The following MCC variants were observed in gnomAD, a reference collection of about 807,000 sequenced individuals.
MCC encodes the protein MCC regulator of Wnt signaling pathway, also known as colorectal mutant cancer protein.
Under a neutral mutation model 116.2 loss-of-function variants are expected in MCC, and 90 were observed. The observed-to-expected ratio is 0.77, with a 90% CI of 0.65 to 0.92. MCC has a LOEUF of 0.92. Among genes scored for constraint, MCC ranks in the 40% least tolerant of loss-of-function variants. MCC has a pLI of 0.00. For missense variants in MCC, 1,516 were observed against 1,312.2 expected (o/e 1.16, Z -2.40); for synonymous variants, 578 against 510.5 (o/e 1.13, Z -1.78).
intron 8 of MCC, among the ~76,000 whole-genome samples, chr5:113,088,994 T>G (rs1755405352): frequency 6.6e-6 from 1 of 152,134 alleles, no homozygotes; most frequent in South Asian, 2.1e-4. Flanking sequence ...ATATATATTT[T>G]GGAGTCAAGA....
intron 15 of MCC, 53 bp from the exon 16 acceptor site, chr5:113,049,352 C>A: frequency 6.9e-7 from 1 of 1,454,060 alleles, no homozygotes; most frequent in Admixed American, 2.3e-5. Context: ...TGAGAGCAGG[C>A]CTGGCTGCTG....
At chr5:113,342,079 G>A (rs1051164542) in intron 2 of MCC, among the ~76,000 whole-genome samples, 6 of 151,512 alleles carry the variant, frequency 4.0e-5, no homozygotes, top group African/African-American at 1.5e-4. Flanking sequence ...TTATGAGTGA[G>A]AACATATGAT....
At chr5:113,294,219 G>T in intron 3 of MCC, 1 of 1,350,036 alleles carries the variant, frequency 7.4e-7, no homozygotes, top group Non-Finnish European at 1.0e-6. Flanking sequence ...CCTCCAGACT[G>T]GGAGCACAGG....
At position 113,083,017 on chromosome 5, in the gene MCC, A is replaced by G; in HGVS notation, c.1636-9T>C. On this transcript the variant is annotated splice_polypyrimidine_tract_variant and intron_variant, in intron 10 of 18. Transcript: ENST00000408903. ...GCCACACTGCTGGATACCTGCAAAA[A>G]GAAGCATTAATTCCCCTTTGGAACA... The G allele has an allele frequency of 6.2e-7, 1 of 1,608,774 alleles. No homozygotes were observed. Among genetic ancestry groups the G allele is most frequent in the Non-Finnish European group, 8.5e-7 (1 of 1,178,258 alleles).
intron 6 of MCC, among the ~76,000 whole-genome samples, chr5:113,121,075 C>T (rs1480901302): frequency 1.3e-5 from 2 of 152,220 alleles, no homozygotes; most frequent in East Asian, 1.9e-4. Flanking sequence ...ACACACCCCC[C>T]ACCTTCAATC....
At chr5:113,057,999 C>A (rs781460461) in intron 14 of MCC, among the ~76,000 whole-genome samples, 26 of 152,148 alleles carry the variant, frequency 1.7e-4, no homozygotes, top group Non-Finnish European at 3.2e-4. Context: ...CCTTGTAAAC[C>A]TGGGACACAG....
chr5:113,095,677 C>T (rs1374097656), intron 8 of MCC, among the ~76,000 whole-genome samples: 1 of 151,388 alleles, frequency 6.6e-6, no homozygotes, highest in East Asian at 1.9e-4. Context: ...CACCATCACA[C>T]TTGGCTAATT....
intron 8 of MCC, among the ~76,000 whole-genome samples, chr5:113,094,033 T>C (rs1755839580): frequency 6.6e-6 from 1 of 152,236 alleles, no homozygotes; most frequent in South Asian, 2.1e-4. Context: ...AGTTAGTCCC[T>C]GTGTAGTTTT....
At chr5:113,178,854 A>T (rs113599068) in intron 3 of MCC, among the ~76,000 whole-genome samples, 101 of 152,264 alleles carry the variant, frequency 6.6e-4, no homozygotes, top group African/African-American at 2.2e-3. Flanking sequence ...TCCTGCAAAC[A>T]CAGAGCTGTG....
chr5:113,237,513 G>C (rs955728067), intron 3 of MCC, among the ~76,000 whole-genome samples: 1 of 152,128 alleles, frequency 6.6e-6, no homozygotes, highest in Non-Finnish European at 1.5e-5. Context: ...GTGCCTCTGG[G>C]ATTAGAAGGT....
In MCC at chr5:113,254,994, G is replaced by A. The variant is rs181443980; in HGVS notation, c.627+85525C>T. ...AGCCTGACCAACATGGTGAAACCCC[G>A]TCTCTACTAAAAATACAAAAATTAG... On this transcript the variant is annotated intron_variant, in intron 3 of 18. Transcript: ENST00000408903. Among the ~76,000 whole-genome samples, 379 of 152,184 alleles carry A rather than the reference G, an allele frequency of 2.5e-3. 2 individuals are homozygous for A. The highest frequency in any genetic ancestry group is 8.6e-3 in the African/African-American group (359 of 41,520).
At chr5:113,387,556 C>T (rs1191331777) in intron 1 of MCC, among the ~76,000 whole-genome samples, 1 of 152,008 alleles carries the variant, frequency 6.6e-6, no homozygotes, top group Non-Finnish European at 1.5e-5. Flanking sequence ...TAAATTTAGG[C>T]TTAGCAAAAA....
chr5:113,225,406 T>C (rs993592946), intron 3 of MCC, among the ~76,000 whole-genome samples: 9 of 152,182 alleles, frequency 5.9e-5, no homozygotes, highest in South Asian at 2.1e-4. Context: ...GATTCTCTTC[T>C]TCAACAAAAA....
intron 3 of MCC, among the ~76,000 whole-genome samples, chr5:113,295,898 A>G (rs1766696846): frequency 6.6e-6 from 1 of 152,166 alleles, no homozygotes; most frequent in Non-Finnish European, 1.5e-5. Context: ...ATCCCCAATA[A>G]CAGAACTTGG....
chr5:113,218,119 G>GC (rs145773972), intron 3 of MCC, among the ~76,000 whole-genome samples: 8 of 85,310 alleles, frequency 9.4e-5, no homozygotes, highest in African/African-American at 5.8e-4. Context: ...GTGGGAAACT[G>GC]GGGGGAGTAT....
intron 1 of MCC, among the ~76,000 whole-genome samples, chr5:113,421,632 GTC>G (rs1355952149): frequency 2.0e-5 from 3 of 152,172 alleles, no homozygotes; most frequent in African/African-American, 7.2e-5. Context: ...GGGTCAGACT[GTC>G]TGCAACAGTA....
At chr5:113,085,056 T>C in intron 9 of MCC, 108 bp downstream of exon 9, 4 of 1,489,236 alleles carry the variant, frequency 2.7e-6, no homozygotes, top group Non-Finnish European at 1.9e-6. Context: ...GGGAAGCCCC[T>C]TGTGCTGTCT....
chr5:113,285,331 C>T (rs1043278972), intron 3 of MCC, among the ~76,000 whole-genome samples: 4 of 148,794 alleles, frequency 2.7e-5, no homozygotes, highest in Admixed American at 2.0e-4. Flanking sequence ...CCCTACATCT[C>T]CCCCTGCCTA....
chr5:113,119,944 A>C (rs4527591), intron 6 of MCC, among the ~76,000 whole-genome samples: 1 of 152,212 alleles, frequency 6.6e-6, no homozygotes, highest in Non-Finnish European at 1.5e-5. Context: ...CGCCACCTCA[A>C]GTCAGGAGGT....
Sources: allele counts gnomAD v4.1 joint callset (sites outside exome capture counted in the v4.1 genomes callset), GRCh38; gene constraint gnomAD v4.1.1; transcripts MANE v1.5; gene names NCBI Gene and HGNC (gene_info 2026-07-23, HGNC 2026-07-21).